TBC1D31: variants seen among roughly 807,000 people sequenced by gnomAD.
TBC1D31 encodes the protein TBC1 domain family member 31, also known as WD repeat domain 67.
TBC1D31 carries 99 observed loss-of-function variants against 132.9 expected under a neutral mutation model. The ratio of observed to expected loss-of-function variants is 0.74; its 90% CI spans 0.63 to 0.88. TBC1D31 has a LOEUF of 0.88. Among genes scored for constraint, TBC1D31 ranks in the 40% least tolerant of loss-of-function variants. The pLI is 0.00. For missense variants in TBC1D31, 1,134 were observed against 1,256.6 expected (o/e 0.90, Z 1.48); for synonymous variants, 385 against 419.4 (o/e 0.92, Z 1.00).
rs1817830359 is a variant in TBC1D31 at position 123,105,387 on chromosome 8, C to G, written c.1132C>G (p.Pro378Ala). The change falls in exon 8 of 22, where the codon CCA becomes GCA. Residue 378 changes from proline to alanine, a missense_variant. By Grantham distance (27) the Pro-to-Ala change is conservative (BLOSUM62 -1). Transcript: ENST00000287380. ...MKVTSGRVQQ[P>A]AKSRESKMQT... is the part of the protein sequence containing the mutation. ...AGTAACATCAGGGAGAGTACAGCAG[C>G]CAGCAAAATCTAGGGAAAGCAAAAT... The G allele has an allele frequency of 3.1e-6, 5 of 1,612,868 alleles. No homozygotes were observed. Among genetic ancestry groups the G allele is most frequent in the Non-Finnish European group, 4.2e-6 (5 of 1,179,512 alleles).
chr8:123,084,836 C>T (rs1046200803), intron 4 of TBC1D31, among the ~76,000 whole-genome samples: 1 of 151,928 alleles, frequency 6.6e-6, no homozygotes, highest in African/African-American at 2.4e-5. Context: ...GTCACCTAGG[C>T]TGGGGTGCAG....
chr8:123,157,219 C>G, the TBC1D31 span, among the ~76,000 whole-genome samples: 70 of 152,232 alleles, frequency 4.6e-4, no homozygotes, highest in Non-Finnish European at 5.9e-5. Flanking sequence ...GGACAGCAAA[C>G]AAAATTATTG....
At chr8:123,153,820 C>T (rs1022987838), downstream of TBC1D31, among the ~76,000 whole-genome samples, 11 of 152,198 alleles carry the variant, frequency 7.2e-5, no homozygotes, top group African/African-American at 2.4e-4. Context: ...TAAAGAAGAG[C>T]GGTCCCTATA....
At chr8:123,151,725 C>A in intron 21 of TBC1D31, 81 bp from the exon 22 acceptor site, 1 of 1,348,312 alleles carries the variant, frequency 7.4e-7, no homozygotes. Context: ...TTTTACAACA[C>A]ATTTATCTTT....
the TBC1D31 span, among the ~76,000 whole-genome samples, chr8:123,159,272 AAAAAAAAAAAAG>A: frequency 1.4e-5 from 2 of 143,570 alleles, no homozygotes; most frequent in East Asian, 3.9e-4. Flanking sequence ...GAACAGGAAA[AAAAAAAAAAAAG>A]AAAAAGAAAA....
Position 123,151,901 on chromosome 8 carries a change from C to T in TBC1D31, c.3163C>T (p.Arg1055Cys), listed in dbSNP as rs143615136. ...TCGCCAGAGACTCACTGCCCGGGCT[C>T]GTCACAGATGTCAAACCCCTCATCT... is the stretch of plus-strand genomic sequence containing the variant. ...NLRQRLTARARHRCQTPHLLA... is the reference protein window; with the variant it reads ...NLRQRLTARACHRCQTPHLLA... Residue 1055 changes from arginine (R) to cysteine (C), a missense_variant, in exon 22 of 22, where the codon CGT becomes TGT. By Grantham distance (180) the Arg-to-Cys change is radical. Coordinates refer to ENST00000287380, the MANE Select transcript of TBC1D31 (RefSeq NM_145647.4). The T allele has an allele frequency of 3.0e-5, 47 of 1,584,046 alleles. No individual in the cohort carries two copies. Among genetic ancestry groups the T allele is most frequent in the Admixed American group, 1.3e-4 (7 of 53,782 alleles).
intron 19 of TBC1D31, among the ~76,000 whole-genome samples, 200 bp from the exon 20 acceptor site, chr8:123,144,516 TA>T (rs1483819022): frequency 6.6e-6 from 1 of 152,184 alleles, no homozygotes; most frequent in African/African-American, 2.4e-5. Context: ...GGGGGTTGGA[TA>T]AAACCTGCCT....
intron 7 of TBC1D31, among the ~76,000 whole-genome samples, chr8:123,104,901 G>A (rs531024979): frequency 2.6e-5 from 4 of 152,208 alleles, no homozygotes; most frequent in African/African-American, 9.6e-5. Flanking sequence ...AAGAATATTA[G>A]GGTACTTCTG....
At chr8:123,132,745 A>C (rs946733361) in intron 16 of TBC1D31, among the ~76,000 whole-genome samples, 3 of 152,172 alleles carry the variant, frequency 2.0e-5, no homozygotes, top group Non-Finnish European at 1.5e-5. Context: ...TTAGAAATCT[A>C]TCATCTCTTT....
At chr8:123,138,016 G>T (rs1438373365) in intron 17 of TBC1D31, among the ~76,000 whole-genome samples, 1 of 152,160 alleles carries the variant, frequency 6.6e-6, no homozygotes, top group African/African-American at 2.4e-5. Context: ...GACAACTCCA[G>T]TATGCACACG....
At chr8:123,151,282 T>A (rs1822748085) in intron 21 of TBC1D31, among the ~76,000 whole-genome samples, 1 of 152,216 alleles carries the variant, frequency 6.6e-6, no homozygotes, top group South Asian at 2.1e-4. Flanking sequence ...TTAAAAAAAA[T>A]TTCAGTGTTC....
Position 123,080,876 on chromosome 8 carries a change from C to T in TBC1D31, c.225-1826C>T, listed in dbSNP as rs1333748732. Reference sequence around the variant, plus strand: ...TCTGCTTTTTCTCATTTACCTTTAGCTCAAAGTAATCCTTATGCCAAAGTG... The same window carrying T: ...TCTGCTTTTTCTCATTTACCTTTAGTTCAAAGTAATCCTTATGCCAAAGTG... On this transcript the variant is annotated intron_variant, in intron 2 of 21. Transcript: ENST00000287380. 2.0e-5 allele frequency among the ~76,000 whole-genome samples: 3 copies of T among 152,128 alleles called. No individual in the cohort carries two copies. In the South Asian group the frequency reaches 6.2e-4, roughly 31 times the overall value.
At chr8:123,141,028 C>A in intron 18 of TBC1D31, 127 bp downstream of exon 18, 1 of 854,042 alleles carries the variant, frequency 1.2e-6, no homozygotes, top group Non-Finnish European at 1.9e-6. Flanking sequence ...TCAGTTGTCA[C>A]AGTTCCTAGA....
rs1309513982 is a variant in TBC1D31, at chr8:123,093,748, G to A, written c.671+6G>A. 9.0e-6 allele frequency: 14 copies of A among 1,553,122 alleles called. No individual in the cohort carries two copies. Among genetic ancestry groups the A allele is most frequent in the Middle Eastern group, 1.7e-4 (1 of 5,866 alleles). On this transcript the variant is annotated splice_donor_region_variant and intron_variant, in intron 5 of 21. Transcript: ENST00000287380. ...AAAGTGTTTGCTGTAACCAGGTAAT[G>A]TGCATTTTAAGACACTAGGAATATT...
At chr8:123,115,711 C>T (rs1305701275) in intron 10 of TBC1D31, among the ~76,000 whole-genome samples, 1 of 152,166 alleles carries the variant, frequency 6.6e-6, no homozygotes. Flanking sequence ...TTTCATGACT[C>T]AGACCCACCT....
downstream of TBC1D31, among the ~76,000 whole-genome samples, chr8:123,152,708 TAAAAATAGAAAA>T (rs1822881789): frequency 6.6e-6 from 1 of 152,034 alleles, no homozygotes. Flanking sequence ...CTTTCTCTAC[TAAAAATAGAAAA>T]ATTAGCCGAG....
At chr8:123,139,034 C>G (rs1166354039) in intron 17 of TBC1D31, among the ~76,000 whole-genome samples, 1 of 151,792 alleles carries the variant, frequency 6.6e-6, no homozygotes, top group Non-Finnish European at 1.5e-5. Flanking sequence ...TTTCAAACTC[C>G]TGGGCTCAAG....
At chr8:123,125,978 A>G in intron 11 of TBC1D31, 78 bp from the exon 12 acceptor site, 1 of 1,112,982 alleles carries the variant, frequency 9.0e-7, no homozygotes. Flanking sequence ...TAAAGATTGG[A>G]TACATTTAAG....
At chr8:123,146,951 A>T (rs1381695313) in intron 20 of TBC1D31, among the ~76,000 whole-genome samples, 1 of 152,112 alleles carries the variant, frequency 6.6e-6, no homozygotes, top group East Asian at 1.9e-4. Context: ...TGCTGGGATT[A>T]TACCTCACCC....
Sources: gnomAD v4.1 joint callset for allele counts (sites outside exome capture counted in the v4.1 genomes callset) on GRCh38, gnomAD v4.1.1 for gene constraint, MANE v1.5 for transcripts, NCBI Gene and HGNC (gene_info 2026-07-23, HGNC 2026-07-21) for gene names.